GDA: variants seen among roughly 807,000 people sequenced by gnomAD.
GDA encodes the protein guanine deaminase.
Under a neutral mutation model 59.6 loss-of-function variants are expected in GDA, and 18 were observed. The observed-to-expected ratio is 0.30, with a 90% CI of 0.21 to 0.45. The LOEUF is 0.45. Among genes scored for constraint, GDA ranks in the 20% least tolerant of loss-of-function variants. GDA has a pLI of 1.00. For missense variants in GDA, 427 were observed against 552.3 expected, an observed-to-expected ratio of 0.77 and a Z score of 2.27; for synonymous variants, 201 against 201.1, an observed-to-expected ratio of 1.00 and a Z score of 0.00.
intron 1 of GDA, among the ~76,000 whole-genome samples, chr9:72,126,518 C>T (rs1825852750): frequency 6.6e-6 from 1 of 150,616 alleles, no homozygotes; most frequent in Non-Finnish European, 1.5e-5. Flanking sequence ...ATTATAGGAA[C>T]TAGGATGACA....
chr9:72,246,594 G>T (rs188753250), intron 12 of GDA, among the ~76,000 whole-genome samples: 3 of 152,278 alleles, frequency 2.0e-5, no homozygotes, highest in Middle Eastern at 3.4e-3. Flanking sequence ...GTGTGGTCCA[G>T]TGGTAATAAG....
At chr9:72,238,252 T>C (rs1202383612) in intron 10 of GDA, among the ~76,000 whole-genome samples, 1 of 152,188 alleles carries the variant, frequency 6.6e-6, no homozygotes, top group African/African-American at 2.4e-5. Flanking sequence ...TATGCATTGT[T>C]TCTCTGTCTG....
intron 1 of GDA, among the ~76,000 whole-genome samples, chr9:72,180,543 A>G (rs943345459): frequency 6.6e-6 from 1 of 152,146 alleles, no homozygotes; most frequent in Non-Finnish European, 1.5e-5. Context: ...TCCTAAATTA[A>G]TTCTTAGTTG....
chr9:72,135,453 T>C (rs967673813), intron 1 of GDA, among the ~76,000 whole-genome samples: 1 of 152,172 alleles, frequency 6.6e-6, no homozygotes, highest in Non-Finnish European at 1.5e-5. Context: ...CAAGATCACA[T>C]AGTCATAAGT....
At chr9:72,138,399 G>C (rs148772086) in intron 1 of GDA, among the ~76,000 whole-genome samples, 1 of 152,304 alleles carries the variant, frequency 6.6e-6, no homozygotes, top group East Asian at 1.9e-4. Flanking sequence ...CTCTCTCAGG[G>C]AGCAGAACCG....
At chr9:72,257,046 G>T (rs1198614853), downstream of GDA, 1 of 152,194 alleles carries the variant, frequency 6.6e-6, no homozygotes, top group Non-Finnish European at 1.5e-5. Context: ...ATTCTAAAGT[G>T]CTAGGATTAC....
chr9:72,258,696 A>AAC (rs1454755935), downstream of GDA, among the ~76,000 whole-genome samples: 1 of 152,216 alleles, frequency 6.6e-6, no homozygotes, highest in Non-Finnish European at 1.5e-5. Flanking sequence ...GGACTGACCA[A>AAC]ACACAAACGG....
intron 1 of GDA, among the ~76,000 whole-genome samples, chr9:72,143,030 A>G (rs1406069530): frequency 6.6e-6 from 1 of 151,652 alleles, no homozygotes; most frequent in African/African-American, 2.4e-5. Context: ...CGGCCTCCCA[A>G]AGTGCTGGAA....
At chr9:72,256,010 T>G (rs1402523698), downstream of GDA, among the ~76,000 whole-genome samples, 1 of 152,216 alleles carries the variant, frequency 6.6e-6, no homozygotes, top group Non-Finnish European at 1.5e-5. Flanking sequence ...TTTGTAGTAC[T>G]GTAGACCATT....
chr9:72,255,692 C>T (rs1840867600), downstream of GDA, among the ~76,000 whole-genome samples: 2 of 152,168 alleles, frequency 1.3e-5, 1 homozygote, highest in African/African-American at 4.8e-5. Flanking sequence ...ATAAACGTGT[C>T]CTGGCATAAT....
intron 4 of GDA, 98 bp downstream of exon 4, chr9:72,210,872 T>A: frequency 1.3e-6 from 1 of 744,878 alleles, no homozygotes. Flanking sequence ...ACCTGCCTTT[T>A]AATTGCTAGA....
chr9:72,215,477 G>T (rs1835990743), intron 5 of GDA, among the ~76,000 whole-genome samples: 1 of 152,122 alleles, frequency 6.6e-6, no homozygotes, highest in South Asian at 2.1e-4. Flanking sequence ...TGCTGTAATG[G>T]CCATAACAGG....
In GDA at chr9:72,192,223, C is replaced by CTTTTTTT. The variant is rs869237933; in HGVS notation, c.124-3255_124-3249dup. Reference sequence around the variant, plus strand: ...CTCTGACTGTGTATTTTCAAATAGCCTTTTTTTTTTTTTTTTTTTTTTTTT... The same window carrying CTTTTTTT: ...CTCTGACTGTGTATTTTCAAATAGCCTTTTTTTTTTTTTTTTTTTTTTTTTTTTTTTT... On this transcript the variant is annotated intron_variant, in intron 1 of 13. Transcript: ENST00000358399. 2.8e-4 allele frequency among the ~76,000 whole-genome samples: 13 copies of CTTTTTTT among 46,278 alleles called. 3 individuals are homozygous for CTTTTTTT. Among genetic ancestry groups the CTTTTTTT allele is most frequent in the African/African-American group, 9.6e-4 (11 of 11,456 alleles). The allele number at this position is 46,278 out of a possible 152,430, so 30.4% of individuals were successfully genotyped here.
intron 10 of GDA, among the ~76,000 whole-genome samples, chr9:72,234,836 G>A (rs1487890409): frequency 6.6e-6 from 1 of 152,162 alleles, no homozygotes; most frequent in African/African-American, 2.4e-5. Context: ...GCTTTCAGAT[G>A]TTTTTGTTGG....
intron 10 of GDA, among the ~76,000 whole-genome samples, chr9:72,239,542 T>G (rs1390070217): frequency 2.0e-5 from 3 of 152,198 alleles, no homozygotes; most frequent in Non-Finnish European, 4.4e-5. Flanking sequence ...TACCCATATA[T>G]TATAAAATAT....
intron 1 of GDA, among the ~76,000 whole-genome samples, chr9:72,126,221 G>GCAGA (rs1410264260): frequency 2.6e-5 from 4 of 152,106 alleles, no homozygotes; most frequent in Non-Finnish European, 5.9e-5. Flanking sequence ...TTAAATAAAG[G>GCAGA]CAGACCCCTT....
chr9:72,231,510 A>T (rs939576465), intron 10 of GDA, among the ~76,000 whole-genome samples: 5 of 151,530 alleles, frequency 3.3e-5, no homozygotes, highest in Non-Finnish European at 7.4e-5. Flanking sequence ...GCTTGTAGTG[A>T]GCTGAGACTG....
chr9:72,218,137 C>T (rs141296331), intron 5 of GDA, among the ~76,000 whole-genome samples: 110 of 152,270 alleles, frequency 7.2e-4, no homozygotes, highest in South Asian at 3.3e-3. Flanking sequence ...TGATCTTGAA[C>T]TCCTGACCTC....
intron 4 of GDA, among the ~76,000 whole-genome samples, chr9:72,211,204 A>G (rs1243513886): frequency 6.6e-6 from 1 of 152,220 alleles, no homozygotes; most frequent in East Asian, 1.9e-4. Context: ...GAGATAAAAA[A>G]TAGTCTCTGC....
Sources: gnomAD v4.1 joint callset for allele counts (sites outside exome capture counted in the v4.1 genomes callset) on GRCh38, gnomAD v4.1.1 for gene constraint, MANE v1.5 for transcripts, NCBI Gene and HGNC (gene_info 2026-07-23, HGNC 2026-07-21) for gene names.